The following DENND2A variants were observed in gnomAD, a reference collection of about 807,000 sequenced individuals.
DENND2A encodes DENN domain containing 2A.
In DENND2A, 53 loss-of-function variants were observed where a neutral mutation model predicts 105.3. The ratio of observed to expected loss-of-function variants is 0.50; its 90% CI spans 0.40 to 0.63. The LOEUF (loss-of-function observed/expected upper bound fraction) is 0.63. Ranked by LOEUF, DENND2A falls within the 30% of genes least tolerant of loss-of-function variation. The probability of loss-of-function intolerance (pLI) is 0.00; values close to 1 mark genes in which losing one functional copy is unlikely to be tolerated. For synonymous variants in DENND2A, 522 were observed against 508.4 expected (o/e 1.03, Z -0.36); for missense variants, 1,138 against 1,279.6 (o/e 0.89, Z 1.69).
chr7:140,625,129 T>C (rs269230), intron 1 of DENND2A, among the ~76,000 whole-genome samples: 72,539 of 151,842 alleles, frequency 0.48, 18,458 homozygotes, highest in African/African-American at 0.66. Flanking sequence ...GTAATCCCAG[T>C]ACTTTGGGAG....
intron 14 of DENND2A, among the ~76,000 whole-genome samples, chr7:140,538,278 T>C (rs961956087): frequency 6.6e-6 from 1 of 152,034 alleles, no homozygotes; most frequent in Non-Finnish European, 1.5e-5. Flanking sequence ...TGGGCGAAGG[T>C]CCTCTCTGGG....
In DENND2A at chr7:140,602,026, C is replaced by G. The variant is rs375125711; in HGVS notation, c.372G>C (p.Pro124=). The change falls in exon 3 of 20, where the codon CCG becomes CCC. Residue 124 remains proline (P), a synonymous_variant. Coordinates refer to ENST00000496613, the MANE Select transcript of DENND2A (RefSeq NM_015689.5). ...AVNVGGQDPE[P]GQDLSQPERE... ...GTTCTGGCTGGCTTAGGTCTTGCCC[C>G]GGCTCTGGGTCCTGTCCCCCGACGT... 30 of 1,614,068 alleles carry G rather than the reference C, an allele frequency of 1.9e-5. No homozygotes were observed. The African/African-American group carries it at 3.6e-4, about 19-fold the overall frequency.
At chr7:140,612,172 C>T (rs1013433437) in intron 1 of DENND2A, among the ~76,000 whole-genome samples, 5 of 150,900 alleles carry the variant, frequency 3.3e-5, no homozygotes, top group Non-Finnish European at 7.4e-5. Context: ...ACCTGGGAGG[C>T]GGAGATTGCC....
In DENND2A at chr7:140,527,361, A is replaced by G. The variant is rs1299931267; in HGVS notation, c.2462T>C (p.Leu821Pro). 1 of 1,602,558 alleles carries G rather than the reference A, an allele frequency of 6.2e-7. No homozygotes were observed. The highest frequency in any genetic ancestry group is 8.5e-7 in the Non-Finnish European group (1 of 1,176,164). ...CSPTPFLIGL[L>P]SSSLPLLREL... ...CCTGAGCAGTGGCAGCGAGCTGGAG[A>G]GCAGCCCGATGAGGAAGGGCGTCGG... The change falls in exon 15 of 20, where the codon CTC becomes CCC. Residue 821 changes from leucine to proline, a missense_variant. Transcript: ENST00000496613. The surrounding 1 kb of genome is among the most constrained non-coding windows in gnomAD (Gnocchi z 4.9).
Position 140,518,618 on chromosome 7 carries a change from C to T in DENND2A, c.*89G>A. 1 of 1,437,702 alleles carries T rather than the reference C, an allele frequency of 7.0e-7. No individual in the cohort carries two copies. Among genetic ancestry groups the T allele is most frequent in the Non-Finnish European group, 9.7e-7 (1 of 1,027,910 alleles). The allele number at this position is 1,437,702 out of a possible 1,614,324, so 89.1% of individuals were successfully genotyped here. A position where few individuals can be genotyped will look rare whatever the true frequency, so the allele number is the denominator to read the frequency against. On this transcript the variant is annotated 3_prime_UTR_variant, in exon 20 of 20. Coordinates refer to ENST00000496613, the MANE Select transcript of DENND2A (RefSeq NM_015689.5). The stretch of plus-strand genomic sequence containing the variant: ...GCCTCCAGTTCCGCACCGTGACAAC[C>T]TGGGACCCAGCCTTTCAGAAAGGCC...
intron 14 of DENND2A, among the ~76,000 whole-genome samples, chr7:140,534,906 T>C (rs1341717161): frequency 6.6e-6 from 1 of 152,164 alleles, no homozygotes; most frequent in East Asian, 1.9e-4. Flanking sequence ...GGTTAAAAGT[T>C]GGGCATGGGT....
At chr7:140,632,630 G>A (rs912232441) in intron 1 of DENND2A, among the ~76,000 whole-genome samples, 10 of 152,188 alleles carry the variant, frequency 6.6e-5, no homozygotes, top group Middle Eastern at 3.4e-3. Flanking sequence ...GTGCAGTGGC[G>A]CGATCTCGGC....
intron 10 of DENND2A, among the ~76,000 whole-genome samples, chr7:140,558,877 A>G (rs931574357): frequency 6.9e-6 from 1 of 144,364 alleles, no homozygotes; most frequent in Non-Finnish European, 1.5e-5. Flanking sequence ...ATCTCGGCTC[A>G]CCACAACCTC....
chr7:140,637,051 G>C (rs1401423959), intron 1 of DENND2A, among the ~76,000 whole-genome samples: 3 of 151,896 alleles, frequency 2.0e-5, no homozygotes, highest in African/African-American at 4.8e-5. Flanking sequence ...GTAGAGACAG[G>C]GTTGGCCAGG....
chr7:140,529,074 C>T (rs1796164746), intron 14 of DENND2A, among the ~76,000 whole-genome samples: 1 of 152,182 alleles, frequency 6.6e-6, no homozygotes, highest in Admixed American at 6.5e-5. Context: ...CATTGCACTC[C>T]AGCCTGGGTG....
intron 9 of DENND2A, among the ~76,000 whole-genome samples, chr7:140,566,880 A>G (rs1394144523): frequency 6.6e-6 from 1 of 151,766 alleles, no homozygotes; most frequent in Non-Finnish European, 1.5e-5. Context: ...AAACTTTTTA[A>G]GTCCCTGAAT....
At chr7:140,555,364 C>T (rs978634163) in intron 12 of DENND2A, among the ~76,000 whole-genome samples, 4 of 152,066 alleles carry the variant, frequency 2.6e-5, no homozygotes, top group Admixed American at 6.6e-5. Context: ...GTCTCGAACT[C>T]CTGACCTCAA....
chr7:140,616,268 A>G (rs1156872596), intron 1 of DENND2A, among the ~76,000 whole-genome samples: 2 of 152,192 alleles, frequency 1.3e-5, no homozygotes, highest in Non-Finnish European at 2.9e-5. Context: ...AGGCTGAGGC[A>G]GGAGAATCGC....
At chr7:140,578,901 T>C (rs1403296426) in intron 5 of DENND2A, among the ~76,000 whole-genome samples, 1 of 152,092 alleles carries the variant, frequency 6.6e-6, no homozygotes, top group African/African-American at 2.4e-5. Context: ...TAGAAAGGCT[T>C]ACAAGGGCAT....
rs752090246 is a variant in DENND2A at position 140,569,653 on chromosome 7, G to A, written c.1532C>T (p.Ser511Leu). The stretch of plus-strand genomic sequence containing the variant: ...GGTGGTGGGGGTTCTACCTTTTCCT[G>A]AGTTGCTCTCCATTGACTGGGACAG... Reference protein sequence around the residue: ...KRLSQSMESNSGKVTDENSES... With the variant: ...KRLSQSMESNLGKVTDENSES... The change falls in exon 7 of 20, where the codon TCA becomes TTA. Residue 511 changes from serine (S) to leucine (L), a missense_variant. Physicochemically the swap from Ser to Leu is moderately radical, Grantham distance 145 (BLOSUM62 -2). Coordinates refer to ENST00000496613, the MANE Select transcript of DENND2A (RefSeq NM_015689.5). The A allele has an allele frequency of 6.2e-7, 1 of 1,609,208 alleles. No homozygotes were observed. Among genetic ancestry groups the A allele is most frequent in the Non-Finnish European group, 8.5e-7 (1 of 1,175,608 alleles).
At chr7:140,562,062 G>T (rs1797639184) in intron 9 of DENND2A, among the ~76,000 whole-genome samples, 1 of 151,460 alleles carries the variant, frequency 6.6e-6, no homozygotes, top group Non-Finnish European at 1.5e-5. Flanking sequence ...AATAATTTTT[G>T]TATTTTTAAT....
intron 18 of DENND2A, 140 bp downstream of exon 18, chr7:140,521,715 G>A: frequency 1.4e-6 from 2 of 1,388,658 alleles, no homozygotes; most frequent in Non-Finnish European, 2.0e-6. Flanking sequence ...CTCAGTCAGG[G>A]CATAACTGCA....
intron 1 of DENND2A, among the ~76,000 whole-genome samples, chr7:140,621,793 A>G (rs927659496): frequency 1.3e-5 from 2 of 152,224 alleles, no homozygotes; most frequent in Non-Finnish European, 2.9e-5. Flanking sequence ...AAAACAGGTG[A>G]AAGTGAATGC....
chr7:140,603,506 C>T (rs1041600932), intron 2 of DENND2A, among the ~76,000 whole-genome samples: 8 of 152,328 alleles, frequency 5.3e-5, no homozygotes, highest in Non-Finnish European at 1.0e-4. Context: ...AACAGAACCT[C>T]CTCTGGAATG....
Sources: allele counts gnomAD v4.1 joint callset (sites outside exome capture counted in the v4.1 genomes callset), GRCh38; gene constraint gnomAD v4.1.1; non-coding constraint Gnocchi (gnomAD v3.1); transcripts MANE v1.5; gene names NCBI Gene and HGNC (gene_info 2026-07-23, HGNC 2026-07-21).